Variants in CCDC7 observed in about 807,000 individuals in gnomAD.
CCDC7 encodes coiled-coil domain-containing protein 7.
CCDC7 carries 183 observed loss-of-function variants against 196.9 expected under a neutral mutation model. The observed-to-expected ratio is 0.93, with a 90% confidence interval of 0.82 to 1.05. The LOEUF (loss-of-function observed/expected upper bound fraction) is 1.05. Ranked by LOEUF, CCDC7 falls within the 50% of genes least tolerant of loss-of-function variation. The pLI, the probability that CCDC7 is intolerant of heterozygous loss-of-function variation, is 0.00. For synonymous variants in CCDC7, 525 were observed against 484.6 expected (o/e 1.08, Z -1.10); for missense variants, 1,540 against 1,482.2 (o/e 1.04, Z -0.64).
In CCDC7 at chr10:32,756,592, A is replaced by C. The variant is rs527934638; in HGVS notation, c.2906-22385A>C. Among the ~76,000 whole-genome samples, 23 of 152,348 alleles carry C rather than the reference A, an allele frequency of 1.5e-4. No homozygotes were observed. The South Asian group carries it at 3.9e-3, about 26-fold the overall frequency. On this transcript the variant is annotated intron_variant, in intron 28 of 41. Transcript: ENST00000639629. ...CCACCAGGCCTGCCTTACAAGAGCT[A>C]CTGAAGGAAGCACTAAACATGGAAA... is the stretch of plus-strand genomic sequence containing the variant.
At position 32,559,125 on chromosome 10, in the gene CCDC7, G is replaced by A. The variant is rs113206998; in HGVS notation, c.1135-6433G>A. Among the ~76,000 whole-genome samples, 1,277 of 152,320 alleles carry A rather than the reference G, an allele frequency of 8.4e-3. 26 individuals are homozygous for A. The highest frequency in any genetic ancestry group is 0.028 in the African/African-American group (1,175 of 41,536). The stretch of plus-strand genomic sequence containing the variant: ...CAGCGAGGCTGGGGGAGGGGCGCCC[G>A]CCATTGCCCAGGCTTGCTTAGGTAA... On this transcript the variant is annotated intron_variant, in intron 13 of 41. Coordinates refer to ENST00000639629, the Ensembl canonical transcript of CCDC7.
intron 3 of CCDC7, among the ~76,000 whole-genome samples, chr10:32,461,849 G>A (rs1342190116): frequency 6.0e-5 from 9 of 149,876 alleles, no homozygotes; most frequent in Non-Finnish European, 4.4e-5. Context: ...TCGGCTCACC[G>A]CAACCTCCGC....
intron 31 of CCDC7, among the ~76,000 whole-genome samples, chr10:32,823,364 A>G (rs1466797417): frequency 6.6e-6 from 1 of 152,090 alleles, no homozygotes; most frequent in Non-Finnish European, 1.5e-5. Flanking sequence ...CTGGTCTCGA[A>G]CTTGGGACCT....
At chr10:32,789,439 T>C (rs1294601083) in intron 29 of CCDC7, among the ~76,000 whole-genome samples, 2 of 151,730 alleles carry the variant, frequency 1.3e-5, no homozygotes, top group Admixed American at 6.6e-5. Context: ...AACTCAATGA[T>C]TGAACTGGAA....
chr10:32,668,302 A>G (rs2073269721), intron 21 of CCDC7, among the ~76,000 whole-genome samples: 1 of 152,174 alleles, frequency 6.6e-6, no homozygotes, highest in African/African-American at 2.4e-5. Flanking sequence ...ATATACAATC[A>G]TGTCATCTGC....
Position 32,744,373 on chromosome 10 carries a change from GA to G in CCDC7, c.2905+14931del, listed in dbSNP as rs544931743. Among the ~76,000 whole-genome samples, 548 of 125,184 alleles carry G rather than the reference GA, an allele frequency of 4.4e-3. 1 individual carries two copies. The highest frequency in any genetic ancestry group is 6.2e-3 in the African/African-American group (207 of 33,610). 82.1% of individuals were successfully genotyped at this position (125,184 alleles called of 152,430 possible). On this transcript the variant is annotated intron_variant, in intron 28 of 41. Coordinates refer to ENST00000639629, the Ensembl canonical transcript of CCDC7. Reference sequence around the variant, plus strand: ...AATGAATAAACATTTTCCTGCTGGTGAAAAAAAAAAAAAAAGAAACAGCCAA... The same window carrying G: ...AATGAATAAACATTTTCCTGCTGGTGAAAAAAAAAAAAAAGAAACAGCCAA...
intron 41 of CCDC7, among the ~76,000 whole-genome samples, chr10:32,859,901 T>C (rs1007466632): frequency 6.6e-6 from 1 of 152,172 alleles, no homozygotes; most frequent in Non-Finnish European, 1.5e-5. Context: ...TAACAAGTTC[T>C]GAAATTGAGG....
intron 11 of CCDC7, among the ~76,000 whole-genome samples, chr10:32,521,584 T>C (rs1263234508): frequency 3.9e-5 from 6 of 152,040 alleles, no homozygotes; most frequent in African/African-American, 1.4e-4. Context: ...TAAGAGTTTT[T>C]TTTTTTTTTG....
chr10:32,629,321 T>C (rs775100979), intron 18 of CCDC7, among the ~76,000 whole-genome samples: 3 of 152,056 alleles, frequency 2.0e-5, no homozygotes, highest in Admixed American at 1.3e-4. Flanking sequence ...TGACCTCTGC[T>C]CTCTTTTGGT....
intron 1 of CCDC7, among the ~76,000 whole-genome samples, chr10:32,452,702 C>T (rs950644100): frequency 1.1e-4 from 17 of 152,182 alleles, no homozygotes; most frequent in Non-Finnish European, 2.5e-4. Flanking sequence ...AGGTGATCCA[C>T]CCGCCTTGGC....
intron 18 of CCDC7, among the ~76,000 whole-genome samples, chr10:32,630,208 CT>C (rs1483754972): frequency 3.3e-5 from 5 of 152,144 alleles, no homozygotes; most frequent in Admixed American, 2.0e-4. Flanking sequence ...TCTGATCCCC[CT>C]GTCCCTGCTG....
chr10:32,687,921 G>A (rs949884238), intron 22 of CCDC7, among the ~76,000 whole-genome samples: 1 of 152,246 alleles, frequency 6.6e-6, no homozygotes, highest in South Asian at 2.1e-4. Context: ...GATCCTTAGT[G>A]GGGAGTCCAT....
intron 9 of CCDC7, among the ~76,000 whole-genome samples, chr10:32,496,367 C>T (rs1295398819): frequency 6.6e-6 from 1 of 152,132 alleles, no homozygotes; most frequent in Non-Finnish European, 1.5e-5. Flanking sequence ...TAATTGAATA[C>T]ACTTTATTTC....
chr10:32,671,950 C>T (rs956598167), intron 21 of CCDC7, among the ~76,000 whole-genome samples: 3 of 152,178 alleles, frequency 2.0e-5, no homozygotes, highest in Admixed American at 2.0e-4. Flanking sequence ...TATTAAAGTT[C>T]TTCTGATTTC....
intron 20 of CCDC7, among the ~76,000 whole-genome samples, chr10:32,663,171 A>G (rs904800800): frequency 2.6e-5 from 4 of 152,152 alleles, no homozygotes; most frequent in Non-Finnish European, 5.9e-5. Context: ...ATTAAATCTA[A>G]CGAGAGTAAC....
At chr10:32,604,723 A>G (rs1403014746) in intron 18 of CCDC7, among the ~76,000 whole-genome samples, 2 of 151,256 alleles carry the variant, frequency 1.3e-5, no homozygotes, top group Admixed American at 1.3e-4. Flanking sequence ...TTTTTCAGCT[A>G]GTTCTTTAAT....
chr10:32,631,464 T>G (rs1485407854), intron 18 of CCDC7, among the ~76,000 whole-genome samples: 1 of 152,142 alleles, frequency 6.6e-6, no homozygotes, highest in Non-Finnish European at 1.5e-5. Flanking sequence ...TGGCCATAAA[T>G]GTAAGGGTTT....
At chr10:32,703,351 C>T (rs112914790) in intron 24 of CCDC7, among the ~76,000 whole-genome samples, 24 of 151,794 alleles carry the variant, frequency 1.6e-4, no homozygotes, top group African/African-American at 5.8e-4. Context: ...CCCCCACTCT[C>T]TTCCGGCTTG....
At chr10:32,735,741 C>T (rs532770592) in intron 28 of CCDC7, among the ~76,000 whole-genome samples, 1 of 152,044 alleles carries the variant, frequency 6.6e-6, no homozygotes, top group African/African-American at 2.4e-5. Context: ...AATGCCATCA[C>T]CAAATTTAAG....
Sources: allele counts gnomAD v4.1 joint callset (sites outside exome capture counted in the v4.1 genomes callset), GRCh38; gene constraint gnomAD v4.1.1; transcripts MANE v1.5; gene names NCBI Gene and HGNC (gene_info 2026-07-23, HGNC 2026-07-21).